Variants in DLC1 observed in about 807,000 individuals in gnomAD.
DLC1 encodes rho GTPase-activating protein 7.
DLC1 carries 54 observed loss-of-function variants against 140.3 expected under a neutral mutation model. The ratio of observed to expected loss-of-function variants is 0.38; its 90% CI spans 0.31 to 0.48. The LOEUF (loss-of-function observed/expected upper bound fraction) is 0.48. DLC1 is among the 20% of genes least tolerant of loss of function. The probability of loss-of-function intolerance (pLI) is 0.96; values close to 1 mark genes in which losing one functional copy is unlikely to be tolerated. For synonymous variants in DLC1, 986 were observed against 728.1 expected (o/e 1.35, Z -5.70); for missense variants, 2,536 against 1,907.0 (o/e 1.33, Z -6.14).
intron 5 of DLC1, among the ~76,000 whole-genome samples, chr8:13,254,671 A>G (rs1830142234): frequency 6.6e-6 from 1 of 151,340 alleles, no homozygotes; most frequent in African/African-American, 2.4e-5. Context: ...TACTGACTAA[A>G]GAATGACAGA....
At chr8:13,222,604 T>A (rs1203088354) in intron 5 of DLC1, among the ~76,000 whole-genome samples, 1 of 152,228 alleles carries the variant, frequency 6.6e-6, no homozygotes, top group African/African-American at 2.4e-5. Flanking sequence ...CCAGCACTCT[T>A]GCTTCTCACC....
At chr8:13,349,342 C>T (rs889786187) in intron 4 of DLC1, among the ~76,000 whole-genome samples, 3 of 151,994 alleles carry the variant, frequency 2.0e-5, no homozygotes, top group African/African-American at 7.3e-5. Flanking sequence ...ACAGAATAAG[C>T]AGATTCACCT....
chr8:13,170,534 T>G (rs1001234547), intron 5 of DLC1, among the ~76,000 whole-genome samples: 1 of 152,020 alleles, frequency 6.6e-6, no homozygotes, highest in Non-Finnish European at 1.5e-5. Context: ...ATCGAGACCA[T>G]CCTGGCCAAC....
intron 5 of DLC1, among the ~76,000 whole-genome samples, chr8:13,212,177 T>G (rs1390277724): frequency 1.3e-5 from 2 of 152,202 alleles, no homozygotes; most frequent in Admixed American, 1.3e-4. Flanking sequence ...TACAGAGGCT[T>G]CCATTCCTCT....
intron 4 of DLC1, among the ~76,000 whole-genome samples, chr8:13,367,930 C>T (rs1054978685): frequency 2.6e-5 from 4 of 152,162 alleles, no homozygotes; most frequent in African/African-American, 9.6e-5. Flanking sequence ...CAGAAATAAA[C>T]ATAGACTCTC....
At chr8:13,561,115 G>T (rs376622749) in intron 1 of DLC1, among the ~76,000 whole-genome samples, 1,542 of 129,070 alleles carry the variant, frequency 0.012, 30 homozygotes, top group African/African-American at 0.041. Context: ...TATTTAAAGT[G>T]TTTTTCCTTT....
rs1213584089 is a variant in DLC1 at position 13,098,556 on chromosome 8, T to C, written c.3010A>G (p.Ser1004Gly). The part of the protein sequence containing the change: ...RSNRHRLRWH[S>G]FQSSHRPSLN... ...CTTGGCCGATGTGAGCTCTGGAAACTGTGCCATCTCAGTCGGTGCCTGCGA... is the reference window on the plus strand; with the variant it reads ...CTTGGCCGATGTGAGCTCTGGAAACCGTGCCATCTCAGTCGGTGCCTGCGA... Residue 1004 changes from serine to glycine, a missense_variant, in exon 10 of 18, where the codon AGT (serine) becomes GGT (glycine). Coordinates refer to ENST00000276297, the MANE Select transcript of DLC1 (RefSeq NM_182643.3). 3 of 1,614,120 alleles carry C rather than the reference T, an allele frequency of 1.9e-6. No individual in the cohort carries two copies. The highest frequency in any genetic ancestry group is 1.7e-6 in the Non-Finnish European group (2 of 1,179,982).
chr8:13,318,342 T>A (rs978251789), intron 4 of DLC1, among the ~76,000 whole-genome samples: 1 of 152,160 alleles, frequency 6.6e-6, no homozygotes. Context: ...CCAACTAATA[T>A]AATCTTAATA....
rs551814695 is a variant in DLC1, at chr8:13,271,445, A to G, written c.1348+33824T>C. ...CAATGTACCACAGAGTGTGTCCAGC[A>G]CTCATTTTGCTAGTGAATTGGAGGA... On this transcript the variant is annotated intron_variant, in intron 5 of 17. Coordinates refer to ENST00000276297, the MANE Select transcript of DLC1 (RefSeq NM_182643.3). 7.2e-5 allele frequency among the ~76,000 whole-genome samples: 11 copies of G among 152,282 alleles called. No homozygotes were observed. In the East Asian group the frequency reaches 1.9e-3, roughly 27 times the overall value.
chr8:13,396,749 G>C (rs559183951), intron 3 of DLC1, among the ~76,000 whole-genome samples: 1 of 152,252 alleles, frequency 6.6e-6, no homozygotes, highest in South Asian at 2.1e-4. Context: ...CCATCAATGT[G>C]TAGTTTAGTA....
intron 12 of DLC1, 59 bp from the exon 13 acceptor site, chr8:13,092,884 A>C: frequency 6.5e-7 from 1 of 1,540,682 alleles, no homozygotes; most frequent in Non-Finnish European, 8.8e-7. Flanking sequence ...CATTGCAAGG[A>C]AATGTCCCAG....
At chr8:13,278,265 G>T (rs776195539) in intron 5 of DLC1, among the ~76,000 whole-genome samples, 1 of 152,212 alleles carries the variant, frequency 6.6e-6, no homozygotes, top group Non-Finnish European at 1.5e-5. Context: ...CAGAAAATAT[G>T]ATTGCCTAAT....
chr8:13,210,235 C>G (rs2117104112), intron 5 of DLC1, among the ~76,000 whole-genome samples: 1 of 152,210 alleles, frequency 6.6e-6, no homozygotes, highest in East Asian at 1.9e-4. Context: ...AGAGTTCTAT[C>G]CTGTTCTTTT....
At chr8:13,305,775 C>G (rs964519801) in intron 4 of DLC1, among the ~76,000 whole-genome samples, 1 of 152,286 alleles carries the variant, frequency 6.6e-6, no homozygotes, top group East Asian at 1.9e-4. Context: ...GAGATCAAAG[C>G]TGCAGTGAGC....
intron 2 of DLC1, among the ~76,000 whole-genome samples, chr8:13,465,128 A>G (rs754776664): frequency 5.9e-5 from 9 of 152,118 alleles, no homozygotes; most frequent in Non-Finnish European, 1.2e-4. Context: ...ATATGCTACA[A>G]AGTATTTGTC....
intron 1 of DLC1, chr8:13,566,775 G>C (rs1379006751): frequency 1.7e-6 from 1 of 604,352 alleles, no homozygotes; most frequent in South Asian, 3.0e-5. Flanking sequence ...TGGGCGCTGG[G>C]GAGCGCGGAG....
At chr8:13,327,257 G>T (rs1012895867) in intron 4 of DLC1, among the ~76,000 whole-genome samples, 3 of 151,326 alleles carry the variant, frequency 2.0e-5, no homozygotes, top group Admixed American at 2.0e-4. Context: ...ACAGGCGTGA[G>T]CCACTGCGCC....
At position 13,090,360 on chromosome 8, in the gene DLC1, T is replaced by G; in HGVS notation, c.3966A>C (p.Gln1322His). 6 of 1,614,166 alleles carry G rather than the reference T, an allele frequency of 3.7e-6. No individual in the cohort carries two copies. The highest frequency in any genetic ancestry group is 5.1e-6 in the Non-Finnish European group (6 of 1,180,028). ...CATCCACACAGTCCTGGAGGAAGTG[T>G]TGGTAGTCAGCTGAGTCATCATTAC... Reference protein sequence around the residue: ...HLGNDDSADYQHFLQDCVDGL... With the variant: ...HLGNDDSADYHHFLQDCVDGL... The change falls in exon 15 of 18, where the codon CAA (glutamine) becomes CAC (histidine). Residue 1322 changes from glutamine (Q) to histidine (H), a missense_variant. Coordinates refer to ENST00000276297, the MANE Select transcript of DLC1 (RefSeq NM_182643.3).
chr8:13,264,052 T>A (rs185048672), intron 5 of DLC1, among the ~76,000 whole-genome samples: 5 of 143,092 alleles, frequency 3.5e-5, no homozygotes, highest in Admixed American at 7.0e-5. Context: ...ATAAGAAGCT[T>A]TTTATTTATT....
Sources: gnomAD v4.1 joint callset for allele counts (sites outside exome capture counted in the v4.1 genomes callset) on GRCh38, gnomAD v4.1.1 for gene constraint, MANE v1.5 for transcripts, NCBI Gene and HGNC (gene_info 2026-07-23, HGNC 2026-07-21) for gene names.